Variants in CHD3 observed in about 807,000 individuals in gnomAD.
CHD3 encodes the protein ATP-dependent chromatin remodeler CHD3.
CHD3 carries 52 observed loss-of-function variants against 248.9 expected under a neutral mutation model. The ratio of observed to expected loss-of-function variants is 0.21; its 90% confidence interval spans 0.17 to 0.26. CHD3 has a LOEUF of 0.26. Ranked by LOEUF, CHD3 falls within the 10% of genes least tolerant of loss-of-function variation. The pLI is 1.00. For missense variants in CHD3, 1,482 were observed against 2,605.8 expected (o/e 0.57, Z 9.39); for synonymous variants, 985 against 985.2 (o/e 1.00, Z 0.00).
chr17:7,892,496 C>CTT lies in CHD3; in HGVS notation c.510-772_510-771dup, dbSNP rs34196029. ...TTTATTTCGCTGTTTTTTATTTCCC[C>CTT]TTTTTTTTTTTTTTTTTTTGAGATG... On this transcript the variant is annotated intron_variant, in intron 4 of 39. Transcript: ENST00000330494. Among the ~76,000 whole-genome samples the CTT allele has an allele frequency of 1.1e-3, 126 of 112,460 alleles. 2 individuals carry two copies. Among genetic ancestry groups the CTT allele is most frequent in the Non-Finnish European group, 1.5e-3 (83 of 56,690 alleles). The allele number at this position is 112,460 out of a possible 152,430, so 73.8% of individuals were successfully genotyped here.
At position 7,899,189 on chromosome 17, in the gene CHD3, C is replaced by A; in HGVS notation, c.2330C>A (p.Ser777Ter). 1 of 1,613,774 alleles carries A rather than the reference C, an allele frequency of 6.2e-7. No individual in the cohort carries two copies. Among genetic ancestry groups the A allele is most frequent in the Non-Finnish European group, 8.5e-7 (1 of 1,179,806 alleles). Residue 777 changes from serine to a stop codon, truncating the protein, a stop_gained, in exon 14 of 40, where the codon TCA (serine) becomes TAA (stop). Transcript: ENST00000330494. LOFTEE classifies it high-confidence loss of function. The surrounding 1 kb of genome is among the most constrained non-coding windows in gnomAD (Gnocchi z 6.8). The part of the protein sequence containing the change: ...KTIQTIVFLY[S>*]LYKEGHTKGP... ...ATACAAACCATCGTCTTCCTCTACTCACTCTACAAGGAGGTGCTGGATTCT... is the reference window on the plus strand; with the variant it reads ...ATACAAACCATCGTCTTCCTCTACTAACTCTACAAGGAGGTGCTGGATTCT...
Position 7,899,791 on chromosome 17 carries a change from A to G in CHD3, c.2545-105A>G. On this transcript the variant is annotated intron_variant, in intron 15 of 39. Coordinates refer to ENST00000330494, the MANE Select transcript of CHD3 (RefSeq NM_001005273.3). The surrounding 1 kb of genome is among the most constrained non-coding windows in gnomAD (Gnocchi z 6.8). ...GTAATCCCTGCTTGGAGAACAGAGT[A>G]ATGGCTCCTGTTGGGAGCCACAGTC... is the stretch of plus-strand genomic sequence containing the variant. 7.2e-7 allele frequency: 1 copy of G among 1,382,262 alleles called. No homozygotes were observed. The allele number at this position is 1,382,262 out of a possible 1,614,324, so 85.6% of individuals were successfully genotyped here.
chr17:7,908,394 C>A lies in CHD3; in HGVS notation c.5153-8C>A. Reference sequence around the variant, plus strand: ...TGTTACCTCTTCTGTCTGCTGCCTTCTTTGCAGAGCTTCACACACTGTGGC... The same window carrying A: ...TGTTACCTCTTCTGTCTGCTGCCTTATTTGCAGAGCTTCACACACTGTGGC... On this transcript the variant is annotated splice_region_variant and splice_polypyrimidine_tract_variant and intron_variant, in intron 34 of 39. Transcript: ENST00000330494. The surrounding 1 kb of genome is among the most constrained non-coding windows in gnomAD (Gnocchi z 5.8). The A allele has an allele frequency of 6.2e-7, 1 of 1,610,570 alleles. No individual in the cohort carries two copies. The highest frequency in any genetic ancestry group is 8.5e-7 in the Non-Finnish European group (1 of 1,177,946).
At position 7,899,273 on chromosome 17, in the gene CHD3, G is replaced by A. The variant is rs569427804; in HGVS notation, c.2344-70G>A. On this transcript the variant is annotated intron_variant, in intron 14 of 39. Transcript: ENST00000330494. This position sits in a 1 kb window ranked among gnomAD's most constrained non-coding sequence, Gnocchi z 6.8. ...GTGGGGAGGGGGAAGATAAAGGGGT[G>A]TAGCTGGCAGAGGACTAGGGTATAC... 10 of 1,601,514 alleles carry A rather than the reference G, an allele frequency of 6.2e-6. No individual in the cohort carries two copies. The highest frequency in any genetic ancestry group is 2.2e-5 in the South Asian group (2 of 90,794).
At position 7,899,278 on chromosome 17, in the gene CHD3, T is replaced by G. The variant is rs946735523; in HGVS notation, c.2344-65T>G. On this transcript the variant is annotated intron_variant, in intron 14 of 39. Transcript: ENST00000330494. This position sits in a 1 kb window ranked among gnomAD's most constrained non-coding sequence, Gnocchi z 6.8. ...GAGGGGGAAGATAAAGGGGTGTAGC[T>G]GGCAGAGGACTAGGGTATACGGCCT... 72 of 1,601,888 alleles carry G rather than the reference T, an allele frequency of 4.5e-5. 1 individual carries two copies. The Middle Eastern group carries it at 5.0e-4, about 11-fold the overall frequency.
chr17:7,894,094 C>T (rs759308763), intron 6 of CHD3, 21 bp from the exon 7 acceptor site: 8 of 1,570,274 alleles, frequency 5.1e-6, no homozygotes, highest in African/African-American at 4.1e-5. Flanking sequence ...GCCTCACTGA[C>T]GGCCACGGGG....
At position 7,900,174 on chromosome 17, in the gene CHD3, TG is replaced by T. The variant is rs1970140605; in HGVS notation, c.2683-112del. 2 of 1,535,706 alleles carry T rather than the reference TG, an allele frequency of 1.3e-6. No individual in the cohort carries two copies. Among genetic ancestry groups the T allele is most frequent in the Non-Finnish European group, 8.9e-7 (1 of 1,128,776 alleles). On this transcript the variant is annotated intron_variant, in intron 16 of 39. Coordinates refer to ENST00000330494, the MANE Select transcript of CHD3 (RefSeq NM_001005273.3). This position sits in a 1 kb window ranked among gnomAD's most constrained non-coding sequence, Gnocchi z 6.5. ...TGGAAGAGGGAGAGGGCCAGAGATT[TG>T]GGGCCTCTGATCCTGAGTGAAATGG...
rs746347255 is a variant in CHD3 at position 7,902,939 on chromosome 17, C to G, written c.3373C>G (p.Pro1125Ala). The G allele has an allele frequency of 5.7e-5, 92 of 1,613,974 alleles. No individual in the cohort carries two copies. Among genetic ancestry groups the G allele is most frequent in the Non-Finnish European group, 6.9e-5 (82 of 1,180,020 alleles). ...RQEAIDRFNA[P>A]GAQQFCFLLS... ...CTGATCCAACTCTCACCTCCTAGCT[C>G]CTGGGGCCCAACAATTCTGCTTCCT... Residue 1125 changes from proline to alanine, a missense_variant and splice_region_variant, in exon 22 of 40, where the codon CCT becomes GCT. This residue lies in a region of CHD3 where 18 missense variants were observed against 45.2 expected (regional missense o/e 0.40). Transcript: ENST00000330494.
upstream of CHD3, among the ~76,000 whole-genome samples, chr17:7,887,063 C>T (rs1968076386): frequency 6.6e-6 from 1 of 152,146 alleles, no homozygotes; most frequent in African/African-American, 2.4e-5. Context: ...AGATACACCC[C>T]CTCAGATGAC....
chr17:7,910,995 C>T lies in CHD3; in HGVS notation c.5881+22C>T. The T allele has an allele frequency of 6.2e-7, 1 of 1,612,116 alleles. No individual in the cohort carries two copies. The highest frequency in any genetic ancestry group is 8.5e-7 in the Non-Finnish European group (1 of 1,179,376). On this transcript the variant is annotated intron_variant, in intron 39 of 39. Coordinates refer to ENST00000330494, the MANE Select transcript of CHD3 (RefSeq NM_001005273.3). This position sits in a 1 kb window ranked among gnomAD's most constrained non-coding sequence, Gnocchi z 4.7. ...ACAGGTCAGCTGGTGTTTTCCTACC[C>T]CCTGCTACTCACACTCCTCCTTTGC...
chr17:7,893,370 C>T lies in CHD3; in HGVS notation c.594C>T (p.Ala198=). Residue 198 remains alanine, a synonymous_variant, in exon 5 of 40, where the codon GCC becomes GCT. Transcript: ENST00000330494. ...ILGAKWREFS[A]NNPFKGSAAA... Reference sequence around the variant, plus strand: ...GGGCCAAATGGAGAGAGTTCAGTGCCAACAACCCCTTCAAGGGGTCAGCAG... The same window carrying T: ...GGGCCAAATGGAGAGAGTTCAGTGCTAACAACCCCTTCAAGGGGTCAGCAG... 6.2e-7 allele frequency: 1 copy of T among 1,613,870 alleles called. No homozygotes were observed. Among genetic ancestry groups the T allele is most frequent in the Non-Finnish European group, 8.5e-7 (1 of 1,179,924 alleles).
Position 7,910,837 on chromosome 17 carries a change from T to G in CHD3, c.5755-10T>G, listed in dbSNP as rs370889007. ...AACTAACTCCAACTTCTGCTTCCTC[T>G]CTGTTCCAGGCCTACCCGCCGGGTC... On this transcript the variant is annotated splice_polypyrimidine_tract_variant and intron_variant, in intron 38 of 39. Transcript: ENST00000330494. The surrounding 1 kb of genome is among the most constrained non-coding windows in gnomAD (Gnocchi z 4.7). 100 of 1,587,170 alleles carry G rather than the reference T, an allele frequency of 6.3e-5. No homozygotes were observed. The highest frequency in any genetic ancestry group is 7.9e-5 in the Non-Finnish European group (92 of 1,170,756).
rs757433731 is a variant in CHD3, at chr17:7,893,405, C to T, written c.629C>T (p.Ala210Val). 3.7e-6 allele frequency: 6 copies of T among 1,611,788 alleles called. No individual in the cohort carries two copies. Among genetic ancestry groups the T allele is most frequent in the East Asian group, 2.2e-5 (1 of 44,842 alleles). The change falls in exon 5 of 40, where the codon GCG becomes GTG. Residue 210 changes from alanine (A) to valine (V), a missense_variant. Around this residue, in one of 20 missense-constraint regions of CHD3, gnomAD observed 149 missense variants for 182.6 expected, o/e 0.82. Transcript: ENST00000330494. ...TTCAAGGGGTCAGCAGCTGCTGTGG[C>T]GGCGGCAGCGGCAGCAGCAGCAGCA... ...NPFKGSAAAV[A>V]AAAAAAAAAV...
Position 7,904,990 on chromosome 17 carries a change from A to G in CHD3, c.4073-110A>G, listed in dbSNP as rs189937475. ...TGGTGTTCCCAGAAGGACCAAGGCC[A>G]GAATAAAGGTAGACAAGTCTCGGCA... On this transcript the variant is annotated intron_variant, in intron 25 of 39. Coordinates refer to ENST00000330494, the MANE Select transcript of CHD3 (RefSeq NM_001005273.3). The surrounding 1 kb of genome is among the most constrained non-coding windows in gnomAD (Gnocchi z 4.4). 6.5e-4 allele frequency: 654 copies of G among 1,011,542 alleles called. 10 individuals carry two copies. The East Asian group carries it at 0.015, about 23-fold the overall frequency. 62.7% of individuals were successfully genotyped at this position (1,011,542 alleles called of 1,614,324 possible).
At position 7,907,260 on chromosome 17, in the gene CHD3, C is replaced by T; in HGVS notation, c.4788+13C>T. 6.2e-7 allele frequency: 1 copy of T among 1,614,180 alleles called. No homozygotes were observed. The highest frequency in any genetic ancestry group is 8.5e-7 in the Non-Finnish European group (1 of 1,180,006). On this transcript the variant is annotated intron_variant, in intron 31 of 39. Transcript: ENST00000330494. This position sits in a 1 kb window ranked among gnomAD's most constrained non-coding sequence, Gnocchi z 4.3. ...GATGGAGACAGAGGTGTGTGGCTCC[C>T]TGGATTCCCCTGTGGAGCGGGAGGG...
At position 7,900,364 on chromosome 17, in the gene CHD3, G is replaced by C; in HGVS notation, c.2757G>C (p.Leu919=). Residue 919 remains leucine, a synonymous_variant, in exon 17 of 40, where the codon CTG becomes CTC. Transcript: ENST00000330494. This position sits in a 1 kb window ranked among gnomAD's most constrained non-coding sequence, Gnocchi z 6.5. ...CAGGAACCCCATTGCAGAATAATCTGGAGGAGCTCTTCCATCTCCTGAACT... is the reference window on the plus strand; with the variant it reads ...CAGGAACCCCATTGCAGAATAATCTCGAGGAGCTCTTCCATCTCCTGAACT... ...LLTGTPLQNN[L]EELFHLLNFL... The C allele has an allele frequency of 6.2e-7, 1 of 1,614,140 alleles. No homozygotes were observed. Among genetic ancestry groups the C allele is most frequent in the Non-Finnish European group, 8.5e-7 (1 of 1,180,006 alleles).
In CHD3 at chr17:7,909,400, G is replaced by T. The variant is rs1383406561; in HGVS notation, c.5590+62G>T. ...ACAACGCTGCGTAAGTCTTCACCCC[G>T]CACCCCTCAAAATCTTCCCACCCCC... On this transcript the variant is annotated intron_variant, in intron 37 of 39. Coordinates refer to ENST00000330494, the MANE Select transcript of CHD3 (RefSeq NM_001005273.3). This position sits in a 1 kb window ranked among gnomAD's most constrained non-coding sequence, Gnocchi z 8.1. 1 of 1,469,328 alleles carries T rather than the reference G, an allele frequency of 6.8e-7. No individual in the cohort carries two copies. The highest frequency in any genetic ancestry group is 2.3e-5 in the Admixed American group (1 of 43,110). The allele number at this position is 1,469,328 out of a possible 1,614,324, so 91.0% of individuals were successfully genotyped here.
Position 7,908,981 on chromosome 17 carries a change from G to C in CHD3, c.5394+152G>C. 7.8e-6 allele frequency: 11 copies of C among 1,414,112 alleles called. No individual in the cohort carries two copies. The highest frequency in any genetic ancestry group is 1.1e-5 in the Non-Finnish European group (11 of 1,028,904). 87.6% of individuals were successfully genotyped at this position (1,414,112 alleles called of 1,614,324 possible). ...AGTGTAACCTTGTGCTTGGGAGTGTGATCTGGGTCAGGGTTGCTGCTAGGT... is the reference window on the plus strand; with the variant it reads ...AGTGTAACCTTGTGCTTGGGAGTGTCATCTGGGTCAGGGTTGCTGCTAGGT... On this transcript the variant is annotated intron_variant, in intron 36 of 39. Coordinates refer to ENST00000330494, the MANE Select transcript of CHD3 (RefSeq NM_001005273.3). This position sits in a 1 kb window ranked among gnomAD's most constrained non-coding sequence, Gnocchi z 5.8.
At chr17:7,888,195 T>A (rs1489317748), upstream of CHD3, among the ~76,000 whole-genome samples, 2 of 152,140 alleles carry the variant, frequency 1.3e-5, no homozygotes, top group Non-Finnish European at 2.9e-5. Context: ...GCCACCCCCC[T>A]GCACACACGC....
Sources: allele counts gnomAD v4.1 joint callset (sites outside exome capture counted in the v4.1 genomes callset), GRCh38; gene constraint gnomAD v4.1.1; regional missense constraint gnomAD v4.1.1; non-coding constraint Gnocchi (gnomAD v3.1); transcripts MANE v1.5; gene names NCBI Gene and HGNC (gene_info 2026-07-23, HGNC 2026-07-21).